Variants in VPS13D observed in about 807,000 individuals in gnomAD.
The protein encoded by VPS13D is vacuolar protein sorting 13 homolog D.
In VPS13D, 187 loss-of-function variants were observed where a neutral mutation model predicts 461.9. The observed-to-expected ratio is 0.40, with a 90% confidence interval of 0.36 to 0.46. The LOEUF (loss-of-function observed/expected upper bound fraction) is 0.46, where lower values mean the gene tolerates loss of function less well. Among genes scored for constraint, VPS13D ranks in the 20% least tolerant of loss-of-function variants. The pLI, the probability that VPS13D is intolerant of heterozygous loss-of-function variation, is 0.60. For missense variants in VPS13D, 4,711 were observed against 5,364.9 expected (o/e 0.88, Z 3.81); for synonymous variants, 1,951 against 1,986.3 (o/e 0.98, Z 0.47).
At position 12,282,808 on chromosome 1, in the gene VPS13D, C is replaced by A; in HGVS notation, c.4706C>A (p.Pro1569His). The A allele has an allele frequency of 6.2e-7, 1 of 1,614,184 alleles. No individual in the cohort carries two copies. The highest frequency in any genetic ancestry group is 8.5e-7 in the Non-Finnish European group (1 of 1,180,028). Residue 1569 changes from proline to histidine, a missense_variant, in exon 21 of 70, where the codon CCT becomes CAT. Around this residue, in one of 3 missense-constraint regions of VPS13D, gnomAD observed 4,411 missense variants for 4,937.8 expected, o/e 0.89. Transcript: ENST00000620676. ...TATCCAGCCAGTGCTACCTCCTCCC[C>A]TTGCCCTGATTCTCCTCTGCCTCCC... The part of the protein sequence containing the change: ...NKYPASATSS[P>H]CPDSPLPPLS...
At chr1:12,318,450 A>G (rs1642947526) in intron 31 of VPS13D, 113 bp downstream of exon 31, 2 of 1,357,342 alleles carry the variant, frequency 1.5e-6, no homozygotes, top group East Asian at 4.7e-5. Context: ...GCACTTACAC[A>G]TTTGCCTCTT....
chr1:12,443,006 A>C (rs955794455), intron 65 of VPS13D, among the ~76,000 whole-genome samples: 1 of 152,240 alleles, frequency 6.6e-6, no homozygotes, highest in African/African-American at 2.4e-5. Flanking sequence ...GTATATGTTC[A>C]GTTTAAAGAA....
chr1:12,280,408 A>T (rs1557682988), intron 20 of VPS13D, among the ~76,000 whole-genome samples: 1 of 152,078 alleles, frequency 6.6e-6, no homozygotes. Context: ...TTCTCAGACT[A>T]AGCTTTTGCC....
chr1:12,413,603 C>T (rs957047162), intron 63 of VPS13D, among the ~76,000 whole-genome samples: 3 of 152,144 alleles, frequency 2.0e-5, no homozygotes, highest in Admixed American at 1.3e-4. Context: ...TCCTGAATGG[C>T]TGAGACTACA....
chr1:12,401,949 G>A (rs534031215), intron 62 of VPS13D, among the ~76,000 whole-genome samples: 16 of 152,100 alleles, frequency 1.1e-4, no homozygotes, highest in Non-Finnish European at 2.2e-4. Context: ...AGTATCCAGT[G>A]GTATACCTTT....
At chr1:12,236,706 A>G (rs546017418) in intron 2 of VPS13D, among the ~76,000 whole-genome samples, 2 of 152,222 alleles carry the variant, frequency 1.3e-5, no homozygotes, top group South Asian at 2.1e-4. Context: ...CAATCCATCT[A>G]CTGATATTTA....
chr1:12,319,654 C>A (rs750771331), intron 32 of VPS13D, 24 bp downstream of exon 32: 2 of 1,613,986 alleles, frequency 1.2e-6, no homozygotes, highest in Non-Finnish European at 1.7e-6. Context: ...GTGTTGATCA[C>A]AGCACTGCGT....
chr1:12,423,275 C>G (rs1304629093), intron 65 of VPS13D, among the ~76,000 whole-genome samples: 1 of 152,210 alleles, frequency 6.6e-6, no homozygotes, highest in Non-Finnish European at 1.5e-5. Flanking sequence ...CACTACAGAG[C>G]TGAGACCTGG....
intron 68 of VPS13D, among the ~76,000 whole-genome samples, chr1:12,499,163 G>C (rs1029750920): frequency 6.6e-6 from 1 of 151,976 alleles, no homozygotes; most frequent in South Asian, 2.1e-4. Context: ...AAATTTCTCA[G>C]GTCTGGCAGG....
intron 21 of VPS13D, 41 bp from the exon 22 acceptor site, chr1:12,288,182 C>T (rs762490326): frequency 9.2e-6 from 14 of 1,529,916 alleles, no homozygotes; most frequent in Non-Finnish European, 1.3e-5. Flanking sequence ...TACCTTTTCT[C>T]CCCAGTAATA....
In VPS13D at chr1:12,432,570, A is replaced by G. The variant is rs1180632032; in HGVS notation, c.12333+15743A>G. 4.7e-5 allele frequency among the ~76,000 whole-genome samples: 7 copies of G among 150,038 alleles called. No homozygotes were observed. The East Asian group carries it at 1.2e-3, about 25-fold the overall frequency. ...ATGGCTTTGTCTTCGTTATGAGAACACTTTGATCTGAACCCCTTTCCTTTT... is the reference window on the plus strand; with the variant it reads ...ATGGCTTTGTCTTCGTTATGAGAACGCTTTGATCTGAACCCCTTTCCTTTT... On this transcript the variant is annotated intron_variant, in intron 65 of 69. Coordinates refer to ENST00000620676, the MANE Select transcript of VPS13D (RefSeq NM_015378.4).
At chr1:12,472,725 C>G (rs1176187758) in intron 67 of VPS13D, among the ~76,000 whole-genome samples, 1 of 152,204 alleles carries the variant, frequency 6.6e-6, no homozygotes, top group African/African-American at 2.4e-5. Context: ...AGACTTTTCA[C>G]TAATTTGTGT....
intron 20 of VPS13D, among the ~76,000 whole-genome samples, chr1:12,281,063 A>ATT (rs201362588): frequency 1.4e-5 from 2 of 138,588 alleles, no homozygotes; most frequent in Admixed American, 7.3e-5. Context: ...TGTTTTATCT[A>ATT]TTTTTTTTTT....
chr1:12,439,671 A>G (rs573796384), intron 65 of VPS13D, among the ~76,000 whole-genome samples: 53 of 152,304 alleles, frequency 3.5e-4, no homozygotes, highest in Non-Finnish European at 1.2e-4. Context: ...TGTTTTGTTC[A>G]CTGCTACATC....
At chr1:12,391,040 ATTTC>A (rs1380590015) in intron 60 of VPS13D, among the ~76,000 whole-genome samples, 1 of 152,092 alleles carries the variant, frequency 6.6e-6, no homozygotes, top group African/African-American at 2.4e-5. Flanking sequence ...CTATTCCCAA[ATTTC>A]TTTGTCACCA....
chr1:12,475,767 C>T (rs1471094598), intron 67 of VPS13D, among the ~76,000 whole-genome samples: 2 of 152,142 alleles, frequency 1.3e-5, no homozygotes, highest in East Asian at 3.9e-4. Context: ...GTCAGGACAG[C>T]ATACATCAAA....
intron 2 of VPS13D, among the ~76,000 whole-genome samples, chr1:12,238,362 C>A (rs1216508532): frequency 6.6e-6 from 1 of 150,816 alleles, no homozygotes; most frequent in East Asian, 2.0e-4. Flanking sequence ...CCCTTGGTCC[C>A]AAGAGTTTGA....
intron 5 of VPS13D, among the ~76,000 whole-genome samples, chr1:12,248,177 C>A (rs1336980424): frequency 6.6e-6 from 1 of 152,138 alleles, no homozygotes; most frequent in Non-Finnish European, 1.5e-5. Flanking sequence ...GCATGATCCA[C>A]CGTGCCTGGC....
At chr1:12,387,600 T>G (rs1392435117) in intron 60 of VPS13D, among the ~76,000 whole-genome samples, 2 of 151,630 alleles carry the variant, frequency 1.3e-5, no homozygotes, top group Admixed American at 1.3e-4. Context: ...GGCACAGATG[T>G]TAGAATTTTT....
Sources: gnomAD v4.1 joint callset for allele counts (sites outside exome capture counted in the v4.1 genomes callset) on GRCh38, gnomAD v4.1.1 for gene constraint, gnomAD v4.1.1 regional missense constraint, MANE v1.5 for transcripts, NCBI Gene and HGNC (gene_info 2026-07-23, HGNC 2026-07-21) for gene names.